NAV3: variants seen among roughly 807,000 people sequenced by gnomAD.
NAV3 encodes pore membrane and/or filament interacting like protein 1.
A neutral mutation model predicts 244.7 loss-of-function variants in NAV3; 87 were observed. The ratio of observed to expected loss-of-function variants is 0.36; its 90% confidence interval spans 0.30 to 0.42. The LOEUF (loss-of-function observed/expected upper bound fraction) is 0.42. Ranked by LOEUF, NAV3 falls within the 20% of genes least tolerant of loss-of-function variation. The pLI is 1.00. For synonymous variants in NAV3, 1,126 were observed against 1,042.2 expected (o/e 1.08, Z -1.55); for missense variants, 2,663 against 2,893.3 (o/e 0.92, Z 1.83).
intron 2 of NAV3, among the ~76,000 whole-genome samples, chr12:77,579,958 C>A (rs1460107308): frequency 1.3e-5 from 2 of 152,136 alleles, no homozygotes; most frequent in South Asian, 2.1e-4. Context: ...ATGTGAAAAA[C>A]AATAACTGGT....
At chr12:77,787,808 A>G (rs1276944691) in intron 2 of NAV3, among the ~76,000 whole-genome samples, 1 of 152,228 alleles carries the variant, frequency 6.6e-6, no homozygotes, top group Non-Finnish European at 1.5e-5. Context: ...CAGATCATCA[A>G]AAAGTTAACA....
chr12:77,633,419 T>C (rs1168615190), intron 2 of NAV3, among the ~76,000 whole-genome samples: 2 of 152,116 alleles, frequency 1.3e-5, no homozygotes, highest in African/African-American at 2.4e-5. Flanking sequence ...TCAAGTGTTA[T>C]TCTTGATGGA....
chr12:77,674,517 GTA>G (rs1874123546), intron 2 of NAV3, among the ~76,000 whole-genome samples: 1 of 151,906 alleles, frequency 6.6e-6, no homozygotes, highest in African/African-American at 2.4e-5. Context: ...CACGTAGCAA[GTA>G]GCTGGCACTA....
At chr12:77,709,073 C>T (rs1179243258) in intron 2 of NAV3, among the ~76,000 whole-genome samples, 1 of 152,034 alleles carries the variant, frequency 6.6e-6, no homozygotes, top group Non-Finnish European at 1.5e-5. Context: ...GCCTGATTGC[C>T]CTGGCCAGAA....
chr12:78,021,935 T>A, intron 9 of NAV3, 73 bp downstream of exon 9: 1 of 897,726 alleles, frequency 1.1e-6, no homozygotes, highest in Non-Finnish European at 1.7e-6. Context: ...TTTTATTAAA[T>A]CATATATGTG....
chr12:77,879,685 CAAAAAAAA>C (rs72076222), intron 1 of NAV3, among the ~76,000 whole-genome samples: 1 of 85,090 alleles, frequency 1.2e-5, no homozygotes, highest in Non-Finnish European at 2.2e-5. Flanking sequence ...AACTCCATCT[CAAAAAAAA>C]AAAAAAAAAA....
intron 2 of NAV3, among the ~76,000 whole-genome samples, chr12:77,771,539 A>G (rs1172974586): frequency 6.6e-6 from 1 of 152,212 alleles, no homozygotes; most frequent in Non-Finnish European, 1.5e-5. Context: ...GATAGACTAG[A>G]TTAAGAAAAT....
intron 1 of NAV3, among the ~76,000 whole-genome samples, chr12:77,921,329 A>G (rs922884559): frequency 1.3e-5 from 2 of 152,100 alleles, no homozygotes; most frequent in African/African-American, 4.8e-5. Context: ...TAGTTCATGA[A>G]GTCATAGAGA....
intron 1 of NAV3, among the ~76,000 whole-genome samples, chr12:77,862,720 T>A (rs1451843966): frequency 6.6e-6 from 1 of 151,892 alleles, no homozygotes; most frequent in African/African-American, 2.4e-5. Context: ...AGGGAAAGTA[T>A]CATTTCATCG....
rs763299667 is a variant in NAV3, at chr12:78,007,029, A to G, written c.1491A>G (p.Lys497=). ...ATCAGGTGACAGAGATGGCTCCAAA[A>G]AAGACCTCCAAAATTGCAAGCTTGA... ...EKDQVTEMAP[K]KTSKIASLIP... Residue 497 remains lysine, a synonymous_variant, in exon 8 of 40, where the codon AAA becomes AAG. Transcript: ENST00000397909. 30 of 1,614,108 alleles carry G rather than the reference A, an allele frequency of 1.9e-5. No homozygotes were observed. The highest frequency in any genetic ancestry group is 1.8e-4 in the South Asian group (16 of 91,086).
intron 2 of NAV3, among the ~76,000 whole-genome samples, chr12:77,644,924 A>G (rs1527787): frequency 0.14 from 20,915 of 152,158 alleles, 2,500 homozygotes; most frequent in African/African-American, 0.32. Flanking sequence ...AAACCAGCAC[A>G]AGTAAGCATA....
chr12:77,812,742 T>C (rs1234589168), intron 2 of NAV3, among the ~76,000 whole-genome samples: 1 of 152,200 alleles, frequency 6.6e-6, no homozygotes, highest in Non-Finnish European at 1.5e-5. Context: ...ATTTAATTTC[T>C]AATGTGATAA....
At chr12:77,596,722 A>G (rs988996176) in intron 2 of NAV3, among the ~76,000 whole-genome samples, 2 of 152,204 alleles carry the variant, frequency 1.3e-5, no homozygotes, top group Non-Finnish European at 2.9e-5. Flanking sequence ...AGAAGTTTCT[A>G]TAATGTACAG....
chr12:78,057,013 G>A (rs959107665), intron 11 of NAV3, among the ~76,000 whole-genome samples: 4 of 152,132 alleles, frequency 2.6e-5, no homozygotes, highest in African/African-American at 7.2e-5. Flanking sequence ...TGAAGCATGC[G>A]AAGGCTTATC....
chr12:78,095,075 A>ATATATATATATATATATATATATATG (rs1566123706), intron 12 of NAV3, among the ~76,000 whole-genome samples: 3 of 146,940 alleles, frequency 2.0e-5, no homozygotes, highest in Non-Finnish European at 4.5e-5. Context: ...ACACACACAC[A>ATATATATATATATATATATATATATG]CACACACACA....
intron 2 of NAV3, among the ~76,000 whole-genome samples, chr12:77,783,008 A>G (rs1412329023): frequency 6.6e-6 from 1 of 151,940 alleles, no homozygotes; most frequent in African/African-American, 2.4e-5. Context: ...TTCCTTAGCA[A>G]TTGTTTTTCT....
chr12:78,186,554 A>G (rs1403215036), intron 31 of NAV3, among the ~76,000 whole-genome samples: 1 of 151,898 alleles, frequency 6.6e-6, no homozygotes, highest in African/African-American at 2.4e-5. Flanking sequence ...TGAAACATAA[A>G]CTAACTTTGA....
intron 5 of NAV3, among the ~76,000 whole-genome samples, chr12:77,973,315 T>C (rs528092363): frequency 1.3e-5 from 2 of 152,272 alleles, no homozygotes; most frequent in East Asian, 1.9e-4. Flanking sequence ...AGAGATTACA[T>C]AGATAGATGA....
intron 11 of NAV3, among the ~76,000 whole-genome samples, chr12:78,052,912 A>G (rs894433495): frequency 4.6e-5 from 7 of 152,082 alleles, no homozygotes; most frequent in African/African-American, 1.7e-4. Flanking sequence ...TACCCATATA[A>G]TATATATAAA....
Sources: allele counts gnomAD v4.1 joint callset (sites outside exome capture counted in the v4.1 genomes callset), GRCh38; gene constraint gnomAD v4.1.1; transcripts MANE v1.5; gene names NCBI Gene and HGNC (gene_info 2026-07-23, HGNC 2026-07-21).